Variants in PRR5L observed in about 807,000 individuals in gnomAD.
PRR5L encodes proline rich 5 like.
A neutral mutation model predicts 36.4 loss-of-function variants in PRR5L; 21 were observed. That is an observed-to-expected ratio of 0.58 (90% CI 0.41 to 0.83). The LOEUF (loss-of-function observed/expected upper bound fraction) is 0.83, where lower values mean the gene tolerates loss of function less well. Ranked by LOEUF, PRR5L falls within the 40% of genes least tolerant of loss-of-function variation. PRR5L has a pLI of 0.00. For synonymous variants in PRR5L, 188 were observed against 197.0 expected (o/e 0.95, Z 0.38); for missense variants, 381 against 473.3 (o/e 0.80, Z 1.81).
At chr11:36,428,826 T>C (rs2133595570) in intron 4 of PRR5L, among the ~76,000 whole-genome samples, 1 of 152,258 alleles carries the variant, frequency 6.6e-6, no homozygotes, top group African/African-American at 2.4e-5. Flanking sequence ...ATCTACTAAA[T>C]ATCATCAAAA....
At chr11:36,387,395 A>G (rs1248209688) in intron 1 of PRR5L, among the ~76,000 whole-genome samples, 1 of 151,746 alleles carries the variant, frequency 6.6e-6, no homozygotes, top group East Asian at 1.9e-4. Flanking sequence ...GTGCACATGT[A>G]CCCTAGAACT....
intron 1 of PRR5L, among the ~76,000 whole-genome samples, chr11:36,347,434 T>G (rs1160923489): frequency 1.5e-4 from 23 of 152,120 alleles, no homozygotes; most frequent in Admixed American, 1.1e-3. Context: ...TTCTGATTAA[T>G]AGAGGGGACA....
intron 1 of PRR5L, among the ~76,000 whole-genome samples, chr11:36,340,065 G>C (rs1856803837): frequency 6.6e-6 from 1 of 152,196 alleles, no homozygotes; most frequent in South Asian, 2.1e-4. Context: ...TCTGTGTACA[G>C]CTTTGATCTC....
intron 4 of PRR5L, among the ~76,000 whole-genome samples, 164 bp downstream of exon 4, chr11:36,419,467 G>T (rs1858217910): frequency 6.6e-6 from 1 of 152,182 alleles, no homozygotes; most frequent in African/African-American, 2.4e-5. Flanking sequence ...CCACTCCTGT[G>T]TCTCCCAGCA....
chr11:36,367,360 C>G (rs961920822), intron 1 of PRR5L, among the ~76,000 whole-genome samples: 2 of 152,148 alleles, frequency 1.3e-5, no homozygotes, highest in African/African-American at 4.8e-5. Context: ...AATTATTTTT[C>G]TTTGTTACTA....
chr11:36,422,261 T>G (rs1482177575), intron 4 of PRR5L, among the ~76,000 whole-genome samples: 1 of 152,126 alleles, frequency 6.6e-6, no homozygotes, highest in Non-Finnish European at 1.5e-5. Flanking sequence ...GAGGCGAGCT[T>G]AGCCTTCACA....
At chr11:36,362,452 G>A (rs1180761325) in intron 1 of PRR5L, among the ~76,000 whole-genome samples, 1 of 123,094 alleles carries the variant, frequency 8.1e-6, no homozygotes, top group South Asian at 2.6e-4. Context: ...GGACGGGGGC[G>A]GTGGTTGGTG....
At chr11:36,375,239 A>T (rs1244202800) in intron 1 of PRR5L, among the ~76,000 whole-genome samples, 15 of 152,104 alleles carry the variant, frequency 9.9e-5, no homozygotes, top group African/African-American at 3.1e-4. Context: ...TGTCTCAAAA[A>T]AAAAAAAAAA....
intron 1 of PRR5L, among the ~76,000 whole-genome samples, chr11:36,390,045 A>G (rs1857535912): frequency 6.6e-6 from 1 of 152,228 alleles, no homozygotes; most frequent in African/African-American, 2.4e-5. Context: ...GTACCTGAGA[A>G]CATGACAGAC....
intron 1 of PRR5L, among the ~76,000 whole-genome samples, chr11:36,369,683 C>T (rs1271660736): frequency 1.3e-5 from 2 of 152,158 alleles, no homozygotes; most frequent in Non-Finnish European, 2.9e-5. Flanking sequence ...ACACCTCTGC[C>T]TCCCAGGTTC....
At chr11:36,386,287 GA>G (rs1224429244) in intron 1 of PRR5L, among the ~76,000 whole-genome samples, 7 of 149,890 alleles carry the variant, frequency 4.7e-5, no homozygotes, top group East Asian at 1.9e-4. Context: ...CCTTGTCTTA[GA>G]AAAAAAAAGT....
chr11:36,350,954 ATATATATT>A (rs1387243219), intron 1 of PRR5L, among the ~76,000 whole-genome samples: 1 of 13,986 alleles, frequency 7.2e-5, no homozygotes, highest in Non-Finnish European at 1.6e-4. Flanking sequence ...ATATATATTT[ATATATATT>A]TATATATTTA....
At chr11:36,422,256 G>A (rs1258635178) in intron 4 of PRR5L, among the ~76,000 whole-genome samples, 2 of 152,122 alleles carry the variant, frequency 1.3e-5, no homozygotes, top group East Asian at 1.9e-4. Flanking sequence ...TTGTAGAGGC[G>A]AGCTTAGCCT....
intron 1 of PRR5L, among the ~76,000 whole-genome samples, chr11:36,320,509 C>T (rs939743269): frequency 1.3e-5 from 2 of 152,158 alleles, no homozygotes; most frequent in African/African-American, 2.4e-5. Context: ...ATCTCTGAGA[C>T]GACGCTCTGT....
At chr11:36,420,834 AACACACACACACACACAC>A (rs58639707) in intron 4 of PRR5L, among the ~76,000 whole-genome samples, 9 of 139,298 alleles carry the variant, frequency 6.5e-5, no homozygotes, top group African/African-American at 1.1e-4. Context: ...CAGTTGTTTA[AACACACACACACACACAC>A]ACACACACAC....
intron 1 of PRR5L, chr11:36,379,558 G>A (rs561647090): frequency 6.6e-6 from 1 of 152,218 alleles, no homozygotes; most frequent in Non-Finnish European, 1.5e-5. Flanking sequence ...TAACAAGTCA[G>A]TGTGAATTAA....
intron 1 of PRR5L, among the ~76,000 whole-genome samples, chr11:36,326,446 CA>C (rs373313036): frequency 6.6e-6 from 1 of 151,918 alleles, no homozygotes; most frequent in East Asian, 1.9e-4. Flanking sequence ...CAGTTTTCTC[CA>C]AAAAAATCTT....
intron 8 of PRR5L, among the ~76,000 whole-genome samples, chr11:36,458,309 C>T (rs1590613866): frequency 6.6e-6 from 1 of 152,280 alleles, no homozygotes; most frequent in East Asian, 1.9e-4. Context: ...GCACTGCCAT[C>T]TAGAACCCAA....
chr11:36,340,085 G>T (rs1441042029), intron 1 of PRR5L, among the ~76,000 whole-genome samples: 3 of 152,204 alleles, frequency 2.0e-5, no homozygotes, highest in African/African-American at 7.2e-5. Flanking sequence ...CATCCATTCT[G>T]CAGTGACAGG....
Sources: gnomAD v4.1 joint callset for allele counts (sites outside exome capture counted in the v4.1 genomes callset) on GRCh38, gnomAD v4.1.1 for gene constraint, MANE v1.5 for transcripts, NCBI Gene and HGNC (gene_info 2026-07-23, HGNC 2026-07-21) for gene names.